The following TPD52 variants were observed in gnomAD, a reference collection of about 807,000 sequenced individuals.
TPD52 encodes the protein prostate and colon associated protein.
TPD52 carries 17 observed loss-of-function variants against 31.3 expected under a neutral mutation model. The observed-to-expected ratio is 0.54, with a 90% CI of 0.37 to 0.82. TPD52 has a LOEUF of 0.82. Ranked by LOEUF, TPD52 falls within the 40% of genes least tolerant of loss-of-function variation. The pLI is 0.00. For missense variants in TPD52, 212 were observed against 240.1 expected (o/e 0.88, Z 0.77); for synonymous variants, 83 against 89.6 (o/e 0.93, Z 0.42).
Position 80,171,210 on chromosome 8 carries a change from C to T in TPD52, c.19+215G>A, listed in dbSNP as rs1364869922. The stretch of plus-strand genomic sequence containing the variant: ...TCCCCCACACACGCACACTCACACT[C>T]ACACATGCAGTCCCATCTGCCCCCG... On this transcript the variant is annotated intron_variant, in intron 1 of 7. Coordinates refer to ENST00000518937, the MANE Select transcript of TPD52 (RefSeq NM_001025253.3). 5 of 707,916 alleles carry T rather than the reference C, an allele frequency of 7.1e-6. No homozygotes were observed. In the Admixed American group the frequency reaches 1.0e-4, roughly 14 times the overall value. The allele number at this position is 707,916 out of a possible 1,614,324, so 43.9% of individuals were successfully genotyped here.
intron 1 of TPD52, among the ~76,000 whole-genome samples, chr8:80,081,361 A>G (rs146743301): frequency 7.7e-6 from 1 of 129,634 alleles, no homozygotes; most frequent in Non-Finnish European, 1.7e-5. Context: ...AACAAAACTA[A>G]GTCACCAAAT....
At chr8:80,145,390 C>G (rs192512548) in intron 1 of TPD52, among the ~76,000 whole-genome samples, 1 of 152,276 alleles carries the variant, frequency 6.6e-6, no homozygotes, top group East Asian at 1.9e-4. Flanking sequence ...CACAAAAGGT[C>G]GAACACATTT....
intron 1 of TPD52, among the ~76,000 whole-genome samples, chr8:80,092,446 G>A (rs548248781): frequency 6.6e-6 from 1 of 152,250 alleles, no homozygotes; most frequent in South Asian, 2.1e-4. Context: ...CAAATGTAAA[G>A]AAATCAGATG....
chr8:80,071,281 G>A (rs1046805481), intron 1 of TPD52, among the ~76,000 whole-genome samples: 3 of 152,154 alleles, frequency 2.0e-5, no homozygotes, highest in Non-Finnish European at 2.9e-5. Flanking sequence ...TGACTAGTTG[G>A]TTGATCTTCT....
downstream of TPD52, among the ~76,000 whole-genome samples, chr8:80,031,772 A>G (rs1014583515): frequency 6.6e-6 from 1 of 152,098 alleles, no homozygotes; most frequent in Non-Finnish European, 1.5e-5. Context: ...GAGGAGGATC[A>G]CTTGAGCCCA....
At chr8:80,155,903 A>G (rs1024496461) in intron 1 of TPD52, among the ~76,000 whole-genome samples, 1 of 151,974 alleles carries the variant, frequency 6.6e-6, no homozygotes, top group Non-Finnish European at 1.5e-5. Context: ...AAAAGAAAGA[A>G]AAGAAAAGAA....
At chr8:80,080,330 T>C (rs369122924) in intron 1 of TPD52, 16 of 1,613,952 alleles carry the variant, frequency 9.9e-6, no homozygotes, top group Non-Finnish European at 1.2e-5. Flanking sequence ...TTCTGAAGAG[T>C]AGGTGATCCG....
intron 5 of TPD52, among the ~76,000 whole-genome samples, chr8:80,044,716 A>G (rs1810681480): frequency 6.6e-6 from 1 of 152,182 alleles, no homozygotes; most frequent in South Asian, 2.1e-4. Context: ...ACCTACTCTT[A>G]GCCATCTCCC....
chr8:80,036,486 T>C lies in TPD52; in HGVS notation c.*1630A>G, dbSNP rs940845320. On this transcript the variant is annotated 3_prime_UTR_variant, in exon 8 of 8. Coordinates refer to ENST00000518937, the MANE Select transcript of TPD52 (RefSeq NM_001025253.3). ...ATACCATTAAGCAATAATTTAAGGA[T>C]GGTTAAAAAAAAATTTTTTTTTTTT... 1 of 152,480 alleles carries C rather than the reference T, an allele frequency of 6.6e-6. No individual in the cohort carries two copies. Among genetic ancestry groups the C allele is most frequent in the Non-Finnish European group, 1.5e-5 (1 of 68,016 alleles). 9.4% of individuals were successfully genotyped at this position (152,480 alleles called of 1,614,324 possible). A position where few individuals can be genotyped will look rare whatever the true frequency, so the allele number is the denominator to read the frequency against.
intron 1 of TPD52, among the ~76,000 whole-genome samples, chr8:80,133,934 T>C (rs1809207550): frequency 6.6e-6 from 1 of 152,138 alleles, no homozygotes; most frequent in Non-Finnish European, 1.5e-5. Flanking sequence ...AAGAAGAAGA[T>C]ACAGAGGACT....
intron 2 of TPD52, among the ~76,000 whole-genome samples, chr8:80,063,011 G>A (rs1191704081): frequency 6.6e-6 from 1 of 151,970 alleles, no homozygotes; most frequent in Non-Finnish European, 1.5e-5. Flanking sequence ...CATTAAACAT[G>A]GAACTACCAC....
chr8:80,110,202 G>A lies in TPD52; in HGVS notation c.20-45609C>T, dbSNP rs145915194. Among the ~76,000 whole-genome samples, 519 of 152,120 alleles carry A rather than the reference G, an allele frequency of 3.4e-3. 10 individuals are homozygous for A. The highest frequency in any genetic ancestry group is 0.025 in the East Asian group (130 of 5,186). On this transcript the variant is annotated intron_variant, in intron 1 of 7. Transcript: ENST00000518937. ...ATAGAAATATTAGTTAGTTTGGTTC[G>A]TGGGGACTTTAACTAAGAAGCTAAG...
intron 7 of TPD52, among the ~76,000 whole-genome samples, chr8:80,041,305 TA>T (rs1263455598): frequency 3.9e-5 from 6 of 151,992 alleles, no homozygotes; most frequent in South Asian, 2.1e-4. Context: ...AAAAATAAAT[TA>T]AAAAAAGATC....
chr8:80,080,564 AC>A, intron 1 of TPD52: 1 of 1,457,064 alleles, frequency 6.9e-7, no homozygotes. Context: ...GAAGAAATCA[AC>A]CCCAGGAGTT....
At chr8:80,054,848 G>C (rs142586551) in intron 2 of TPD52, among the ~76,000 whole-genome samples, 2 of 152,086 alleles carry the variant, frequency 1.3e-5, no homozygotes, top group Non-Finnish European at 2.9e-5. Context: ...GTGCTTGTCA[G>C]AGTCACAAGT....
chr8:80,118,380 C>T (rs1808022503), intron 1 of TPD52, among the ~76,000 whole-genome samples: 1 of 152,112 alleles, frequency 6.6e-6, no homozygotes, highest in Non-Finnish European at 1.5e-5. Context: ...TTGGATCATG[C>T]AATGGTTTCT....
At chr8:80,132,323 A>C (rs1203442023) in intron 1 of TPD52, among the ~76,000 whole-genome samples, 1 of 152,142 alleles carries the variant, frequency 6.6e-6, no homozygotes, top group Non-Finnish European at 1.5e-5. Context: ...GGCCCCAGAG[A>C]ACAGCACTTC....
intron 1 of TPD52, among the ~76,000 whole-genome samples, chr8:80,133,572 C>T (rs1176288251): frequency 6.6e-6 from 1 of 152,100 alleles, no homozygotes; most frequent in Non-Finnish European, 1.5e-5. Flanking sequence ...TTCTTTGACC[C>T]ACCCACTCAC....
At chr8:80,124,168 T>G (rs78965753) in intron 1 of TPD52, among the ~76,000 whole-genome samples, 1 of 83,734 alleles carries the variant, frequency 1.2e-5, no homozygotes, top group African/African-American at 9.8e-5. Flanking sequence ...CTCTCTCTCT[T>G]TTTGTTTTTT....
Sources: allele counts gnomAD v4.1 joint callset (sites outside exome capture counted in the v4.1 genomes callset), GRCh38; gene constraint gnomAD v4.1.1; transcripts MANE v1.5; gene names NCBI Gene and HGNC (gene_info 2026-07-23, HGNC 2026-07-21).